The following NTRK2 variants were observed in gnomAD, a reference collection of about 807,000 sequenced individuals.
NTRK2 encodes BDNF/NT-3 growth factors receptor.
NTRK2 carries 13 observed loss-of-function variants against 94.5 expected under a neutral mutation model. The observed-to-expected ratio is 0.14, with a 90% confidence interval of 0.09 to 0.22. The LOEUF (loss-of-function observed/expected upper bound fraction) is 0.22. Among genes scored for constraint, NTRK2 ranks in the 10% least tolerant of loss-of-function variants. The pLI, the probability that NTRK2 is intolerant of heterozygous loss-of-function variation, is 1.00. For synonymous variants in NTRK2, 372 were observed against 407.4 expected, an observed-to-expected ratio of 0.91 and a Z score of 1.05; for missense variants, 639 against 1,071.2, an observed-to-expected ratio of 0.60 and a Z score of 5.63.
At chr9:84,944,175 C>A (rs2078508733) in intron 15 of NTRK2, among the ~76,000 whole-genome samples, 1 of 141,592 alleles carries the variant, frequency 7.1e-6, no homozygotes, top group African/African-American at 2.6e-5. Context: ...GTTGGCGTTT[C>A]AAAAAAGAAA....
intron 12 of NTRK2, among the ~76,000 whole-genome samples, chr9:84,790,826 ATC>A (rs1185205504): frequency 1.3e-5 from 2 of 152,198 alleles, no homozygotes; most frequent in African/African-American, 4.8e-5. Flanking sequence ...GTGATAGCCA[ATC>A]TGTTCTGATA....
chr9:84,965,118 T>C (rs1238561534), intron 17 of NTRK2, among the ~76,000 whole-genome samples: 2 of 152,194 alleles, frequency 1.3e-5, no homozygotes, highest in Non-Finnish European at 2.9e-5. Context: ...CTTTGAGAGA[T>C]TCCCTGGGCT....
chr9:84,888,434 C>A (rs980095678), intron 14 of NTRK2, among the ~76,000 whole-genome samples: 1 of 151,076 alleles, frequency 6.6e-6, no homozygotes, highest in Non-Finnish European at 1.5e-5. Flanking sequence ...CATGGTGAAA[C>A]CCCGTTTCTA....
At chr9:84,721,026 A>T (rs1056516418) in intron 6 of NTRK2, among the ~76,000 whole-genome samples, 12 of 152,228 alleles carry the variant, frequency 7.9e-5, no homozygotes, top group Non-Finnish European at 1.5e-4. Context: ...TTATAGTTAT[A>T]TTGGCACATT....
At chr9:85,013,720 G>A (rs1831897568) in intron 17 of NTRK2, among the ~76,000 whole-genome samples, 1 of 152,220 alleles carries the variant, frequency 6.6e-6, no homozygotes, top group South Asian at 2.1e-4. Flanking sequence ...GGAGCGTAGG[G>A]TGTGATGAGG....
At chr9:84,702,741 A>G (rs2060808975) in intron 4 of NTRK2, among the ~76,000 whole-genome samples, 2 of 152,218 alleles carry the variant, frequency 1.3e-5, no homozygotes, top group South Asian at 2.1e-4. Flanking sequence ...TGGAATAATG[A>G]CATACTCCCT....
chr9:84,674,529 C>T (rs1288915517), intron 2 of NTRK2, among the ~76,000 whole-genome samples: 2 of 152,100 alleles, frequency 1.3e-5, no homozygotes. Flanking sequence ...ATTTTTATTA[C>T]TCTGATGTTT....
intron 12 of NTRK2, among the ~76,000 whole-genome samples, chr9:84,769,774 T>G (rs2066359397): frequency 6.6e-6 from 1 of 152,210 alleles, no homozygotes; most frequent in Non-Finnish European, 1.5e-5. Context: ...AGGAGCTCAT[T>G]TTTTGATGCC....
chr9:84,926,070 A>T (rs1039398731), intron 14 of NTRK2, among the ~76,000 whole-genome samples: 1 of 151,188 alleles, frequency 6.6e-6, no homozygotes, highest in Non-Finnish European at 1.5e-5. Flanking sequence ...TCCATAATCC[A>T]GTCTCTTTCT....
Position 84,842,036 on chromosome 9 carries a change from G to A in NTRK2, c.1397-19004G>A, listed in dbSNP as rs1228075405. On this transcript the variant is annotated intron_variant, in intron 12 of 18. Coordinates refer to ENST00000277120, the MANE Select transcript of NTRK2 (RefSeq NM_006180.6). Reference sequence around the variant, plus strand: ...TAGACAAAACATTGAAGCAACCAGTGGAACTATTCACCCTTTCTCCAGAAG... The same window carrying A: ...TAGACAAAACATTGAAGCAACCAGTAGAACTATTCACCCTTTCTCCAGAAG... Among the ~76,000 whole-genome samples the A allele has an allele frequency of 2.0e-5, 3 of 152,132 alleles. No individual in the cohort carries two copies. The East Asian group carries it at 5.8e-4, about 29-fold the overall frequency.
At chr9:84,782,547 A>G (rs2067698956) in intron 12 of NTRK2, among the ~76,000 whole-genome samples, 1 of 152,326 alleles carries the variant, frequency 6.6e-6, no homozygotes, top group Admixed American at 6.5e-5. Flanking sequence ...TGGAAATGAA[A>G]AAAACAAATA....
At chr9:84,702,013 C>T in intron 2 of NTRK2, 146 bp from the exon 3 acceptor site, 2 of 708,646 alleles carry the variant, frequency 2.8e-6, no homozygotes, top group Admixed American at 4.1e-5. Flanking sequence ...CTCAGTTTTG[C>T]TCTACTGCTG....
chr9:84,757,685 A>G (rs1026902258), intron 12 of NTRK2, among the ~76,000 whole-genome samples: 1 of 152,222 alleles, frequency 6.6e-6, no homozygotes, highest in Non-Finnish European at 1.5e-5. Flanking sequence ...CCACTTGGGA[A>G]TGTTTCTGAC....
At chr9:84,782,149 ATGT>A (rs2067652532) in intron 12 of NTRK2, among the ~76,000 whole-genome samples, 1 of 152,040 alleles carries the variant, frequency 6.6e-6, no homozygotes, top group Non-Finnish European at 1.5e-5. Context: ...TGACAACTTT[ATGT>A]TGTTTGTCTC....
At chr9:84,742,789 GTTT>G (rs757253032) in intron 10 of NTRK2, among the ~76,000 whole-genome samples, 7 of 103,702 alleles carry the variant, frequency 6.8e-5, no homozygotes, top group East Asian at 2.8e-4. Flanking sequence ...CATTATATTA[GTTT>G]TTTTTTTTTT....
chr9:84,676,225 C>A (rs966926483), intron 2 of NTRK2, among the ~76,000 whole-genome samples: 1 of 152,128 alleles, frequency 6.6e-6, no homozygotes, highest in African/African-American at 2.4e-5. Context: ...AGACAAGTTT[C>A]TCAAGGCTCT....
At chr9:84,795,529 G>C (rs1046617290) in intron 12 of NTRK2, among the ~76,000 whole-genome samples, 1 of 152,156 alleles carries the variant, frequency 6.6e-6, no homozygotes, top group African/African-American at 2.4e-5. Context: ...ACTGAGAAGA[G>C]GGGACCTATG....
At position 84,869,892 on chromosome 9, in the gene NTRK2, A is replaced by G. The variant is rs541722970; in HGVS notation, c.1633+2461A>G. 5.9e-5 allele frequency among the ~76,000 whole-genome samples: 9 copies of G among 152,194 alleles called. No homozygotes were observed. In the South Asian group the frequency reaches 1.9e-3, roughly 32 times the overall value. On this transcript the variant is annotated intron_variant, in intron 14 of 18. Transcript: ENST00000277120. ...ATTTATTAGACATGTTTTTAACAATATATTAGCCAATTTAAACAGATTTAG... is the reference window on the plus strand; with the variant it reads ...ATTTATTAGACATGTTTTTAACAATGTATTAGCCAATTTAAACAGATTTAG...
intron 9 of NTRK2, among the ~76,000 whole-genome samples, chr9:84,734,968 G>T (rs1289722021): frequency 6.6e-6 from 1 of 151,972 alleles, no homozygotes; most frequent in Non-Finnish European, 1.5e-5. Context: ...TTTTCATTTG[G>T]AATGTAGCCT....
Sources: allele counts gnomAD v4.1 joint callset (sites outside exome capture counted in the v4.1 genomes callset), GRCh38; gene constraint gnomAD v4.1.1; transcripts MANE v1.5; gene names NCBI Gene and HGNC (gene_info 2026-07-23, HGNC 2026-07-21).